UMODL1: variants seen among roughly 807,000 people sequenced by gnomAD.
UMODL1 encodes uromodulin like 1, also known as uromodulin-like 1.
In UMODL1, 128 loss-of-function variants were observed where a neutral mutation model predicts 136.3. That is an observed-to-expected ratio of 0.94 (90% confidence interval 0.81 to 1.09). The LOEUF (loss-of-function observed/expected upper bound fraction) is 1.09, where lower values mean the gene tolerates loss of function less well. Ranked by LOEUF, UMODL1 falls within the 50% of genes least tolerant of loss-of-function variation. The probability of loss-of-function intolerance (pLI) is 0.00; values close to 1 mark genes in which losing one functional copy is unlikely to be tolerated. For synonymous variants in UMODL1, 721 were observed against 720.0 expected, an observed-to-expected ratio of 1.00 and a Z score of -0.02; for missense variants, 1,766 against 1,725.6, an observed-to-expected ratio of 1.02 and a Z score of -0.41.
intron 1 of UMODL1, among the ~76,000 whole-genome samples, chr21:42,065,299 C>A (rs564124845): frequency 6.6e-6 from 1 of 152,180 alleles, no homozygotes; most frequent in Non-Finnish European, 1.5e-5. Context: ...GCAGTTATTG[C>A]GTTTCAGTTC....
At chr21:42,087,465 G>T (rs538434309) in intron 4 of UMODL1, among the ~76,000 whole-genome samples, 87 of 152,344 alleles carry the variant, frequency 5.7e-4, no homozygotes, top group African/African-American at 2.0e-3. Flanking sequence ...GCAGCTGCCA[G>T]TTCACCTGGC....
At chr21:42,136,327 C>T (rs1471824652) in intron 21 of UMODL1, among the ~76,000 whole-genome samples, 1 of 152,198 alleles carries the variant, frequency 6.6e-6, no homozygotes, top group Non-Finnish European at 1.5e-5. Context: ...AAACATTTTC[C>T]TCACCCTAAA....
Position 42,099,108 on chromosome 21 carries a change from G to A in UMODL1, c.1114G>A (p.Val372Met), listed in dbSNP as rs868152432. Residue 372 changes from valine (V) to methionine (M), a missense_variant, in exon 7 of 23, where the codon GTG (valine) becomes ATG (methionine). Transcript: ENST00000408910. This position sits in a 1 kb window ranked among gnomAD's most constrained non-coding sequence, Gnocchi z 4.1. ...GGCAGTGGCTGGGCTGGAGGCTGGA[G>A]TGCTGTACAGGGTGAAGACCAGCTA... ...ALAVAGLEAG[V>M]LYRVKTSYQG... The A allele has an allele frequency of 1.9e-6, 3 of 1,614,120 alleles. No individual in the cohort carries two copies. The highest frequency in any genetic ancestry group is 2.7e-5 in the African/African-American group (2 of 75,050).
At chr21:42,075,140 C>G (rs1294906173) in intron 1 of UMODL1, among the ~76,000 whole-genome samples, 1 of 152,094 alleles carries the variant, frequency 6.6e-6, no homozygotes, top group Non-Finnish European at 1.5e-5. Context: ...CCTCGTGATC[C>G]GCCCACCTTG....
chr21:42,082,155 A>G (rs1398050274), intron 2 of UMODL1, among the ~76,000 whole-genome samples: 1 of 152,186 alleles, frequency 6.6e-6, no homozygotes, highest in Non-Finnish European at 1.5e-5. Context: ...GGCTCTCTGC[A>G]TATTCCGTGA....
rs1372929306 is a variant in UMODL1 at position 42,119,139 on chromosome 21, G to A, written c.2504G>A (p.Cys835Tyr). 2 of 1,613,564 alleles carry A rather than the reference G, an allele frequency of 1.2e-6. No homozygotes were observed. Among genetic ancestry groups the A allele is most frequent in the African/African-American group, 2.7e-5 (2 of 75,066 alleles). ...CGGGGCTCCCTGCCAGCCACCATGT[G>A]TCAGCACATGGACGCTGGTGGGGTC... ...MVRGSLPATM[C>Y]QHMDAGGVRM... Residue 835 changes from cysteine to tyrosine, a missense_variant, in exon 15 of 23, where the codon TGT becomes TAT. By Grantham distance (194) the Cys-to-Tyr change is radical (BLOSUM62 -2). Coordinates refer to ENST00000408910, the MANE Select transcript of UMODL1 (RefSeq NM_001004416.3).
At chr21:42,096,867 G>GT (rs1362373830) in intron 6 of UMODL1, among the ~76,000 whole-genome samples, 1 of 152,200 alleles carries the variant, frequency 6.6e-6, no homozygotes, top group Non-Finnish European at 1.5e-5. Flanking sequence ...AGTGCTTTTA[G>GT]CAGACTTTTT....
rs367714957 is a variant in UMODL1, at chr21:42,109,594, G to A, written c.1552G>A (p.Asp518Asn). The change falls in exon 10 of 23, where the codon GAC becomes AAC. Residue 518 changes from aspartate (D) to asparagine (N), a missense_variant. Coordinates refer to ENST00000408910, the MANE Select transcript of UMODL1 (RefSeq NM_001004416.3). Reference sequence around the variant, plus strand: ...CGAGTGTGTGGACAGCGCGGAACACGACTGCTCACCGGCTGCCTGGTGCAT... The same window carrying A: ...CGAGTGTGTGGACAGCGCGGAACACAACTGCTCACCGGCTGCCTGGTGCAT... ...WDECVDSAEH[D>N]CSPAAWCINL... 1.8e-5 allele frequency: 29 copies of A among 1,611,580 alleles called. No homozygotes were observed. The East Asian group carries it at 4.5e-4, about 25-fold the overall frequency.
intron 7 of UMODL1, among the ~76,000 whole-genome samples, chr21:42,100,335 T>C (rs2066611317): frequency 6.6e-6 from 1 of 152,088 alleles, no homozygotes; most frequent in Non-Finnish European, 1.5e-5. Context: ...TTAATGCTAG[T>C]GACAGTGAGT....
In UMODL1 at chr21:42,113,629, C is replaced by G. The variant is rs1263937044; in HGVS notation, c.2161C>G (p.Leu721Val). ...CAATGTGACCAGCACCGGCTTCCACCTGGCATGGGAGGCGGATCTTGCTAT... is the reference window on the plus strand; with the variant it reads ...CAATGTGACCAGCACCGGCTTCCACGTGGCATGGGAGGCGGATCTTGCTAT... ...VSNVTSTGFH[L>V]AWEADLAMDS... is the part of the protein sequence containing the mutation. Residue 721 changes from leucine to valine, a missense_variant, in exon 13 of 23, where the codon CTG becomes GTG. Leu to Val is a conservative substitution (Grantham distance 32, BLOSUM62 1). Transcript: ENST00000408910. 1.2e-6 allele frequency: 2 copies of G among 1,614,016 alleles called. No individual in the cohort carries two copies. Among genetic ancestry groups the G allele is most frequent in the Admixed American group, 3.3e-5 (2 of 60,002 alleles).
chr21:42,078,023 A>G (rs947328226), intron 2 of UMODL1, among the ~76,000 whole-genome samples: 5 of 152,192 alleles, frequency 3.3e-5, no homozygotes, highest in Admixed American at 1.3e-4. Flanking sequence ...TGCCCCGTTC[A>G]GAGGGCCAGG....
At chr21:42,096,718 G>C (rs1013320848) in intron 6 of UMODL1, among the ~76,000 whole-genome samples, 2 of 152,188 alleles carry the variant, frequency 1.3e-5, no homozygotes, top group Non-Finnish European at 2.9e-5. Context: ...CTGGGGGGCT[G>C]CTGTTATAGC....
intron 2 of UMODL1, among the ~76,000 whole-genome samples, chr21:42,080,292 T>C (rs1447643766): frequency 6.6e-6 from 1 of 152,198 alleles, no homozygotes; most frequent in African/African-American, 2.4e-5. Context: ...AAGCTGGACC[T>C]GGCAGATGTT....
chr21:42,126,397 A>G lies in UMODL1; in HGVS notation c.3200A>G (p.Glu1067Gly). 1 of 1,614,204 alleles carries G rather than the reference A, an allele frequency of 6.2e-7. No individual in the cohort carries two copies. Among genetic ancestry groups the G allele is most frequent in the Non-Finnish European group, 8.5e-7 (1 of 1,180,034 alleles). ...RTTLRNDLSQEGIIHHLKILS... is the reference protein window; with the variant it reads ...RTTLRNDLSQGGIIHHLKILS... ...ACGCTGAGGAACGACCTGTCCCAGGAGGGCATCATCCACCACCTGAAGATC... is the reference window on the plus strand; with the variant it reads ...ACGCTGAGGAACGACCTGTCCCAGGGGGGCATCATCCACCACCTGAAGATC... Residue 1067 changes from glutamate (E) to glycine (G), a missense_variant, in exon 18 of 23, where the codon GAG (glutamate) becomes GGG (glycine). By Grantham distance (98) the Glu-to-Gly change is moderately conservative. Coordinates refer to ENST00000408910, the MANE Select transcript of UMODL1 (RefSeq NM_001004416.3).
Position 42,135,596 on chromosome 21 carries a change from C to T in UMODL1, c.3776-1843C>T, listed in dbSNP as rs117288737. The stretch of plus-strand genomic sequence containing the variant: ...CCCCCCTTGTGCTGGCAAGGTGGCC[C>T]GTCACTCGAGGCCCAGGAGGAAGGT... On this transcript the variant is annotated intron_variant, in intron 21 of 22. Coordinates refer to ENST00000408910, the MANE Select transcript of UMODL1 (RefSeq NM_001004416.3). Among the ~76,000 whole-genome samples, 787 of 152,294 alleles carry T rather than the reference C, an allele frequency of 5.2e-3. 21 individuals carry two copies. The East Asian group carries it at 0.077, about 15-fold the overall frequency.
At chr21:42,070,294 A>C (rs771873799), upstream of UMODL1, among the ~76,000 whole-genome samples, 6 of 152,204 alleles carry the variant, frequency 3.9e-5, no homozygotes, top group Non-Finnish European at 8.8e-5. Context: ...TCTTCATCCA[A>C]TGTTAAAAAT....
At position 42,095,080 on chromosome 21, in the gene UMODL1, T is replaced by G. The variant is rs1448962125; in HGVS notation, c.932-3846T>G. The stretch of plus-strand genomic sequence containing the variant: ...TTGTGGCTGCATCACTCCTTTGTTT[T>G]CTTCTGCTGTTTTTTTTTTTTTTTT... On this transcript the variant is annotated intron_variant, in intron 6 of 22. Transcript: ENST00000408910. 4.2e-5 allele frequency among the ~76,000 whole-genome samples: 6 copies of G among 141,378 alleles called. No homozygotes were observed. The East Asian group carries it at 1.2e-3, about 29-fold the overall frequency. 92.7% of individuals were successfully genotyped at this position (141,378 alleles called of 152,430 possible).
intron 2 of UMODL1, among the ~76,000 whole-genome samples, chr21:42,080,894 G>A (rs1332398564): frequency 6.6e-6 from 1 of 152,198 alleles, no homozygotes; most frequent in Non-Finnish European, 1.5e-5. Context: ...TACCTCATAC[G>A]CACATCAGCA....
intron 9 of UMODL1, among the ~76,000 whole-genome samples, chr21:42,107,651 C>A (rs939937117): frequency 6.6e-6 from 1 of 152,204 alleles, no homozygotes; most frequent in African/African-American, 2.4e-5. Context: ...ATCTGACACA[C>A]GCCCCCAGGA....
Sources: gnomAD v4.1 joint callset for allele counts (sites outside exome capture counted in the v4.1 genomes callset) on GRCh38, gnomAD v4.1.1 for gene constraint, Gnocchi (gnomAD v3.1) non-coding constraint, MANE v1.5 for transcripts, NCBI Gene and HGNC (gene_info 2026-07-23, HGNC 2026-07-21) for gene names.